CENPW: variants seen among roughly 807,000 people sequenced by gnomAD.
The protein encoded by CENPW is cancer-up-regulated gene 2 protein.
A neutral mutation model predicts 11.1 loss-of-function variants in CENPW; 3 were observed. The observed-to-expected ratio is 0.27, with a 90% CI of 0.12 to 0.70. The LOEUF is 0.70. Ranked by LOEUF, CENPW falls within the 30% of genes least tolerant of loss-of-function variation. CENPW has a pLI of 0.77. For missense variants in CENPW, 100 were observed against 105.6 expected, an observed-to-expected ratio of 0.95 and a Z score of 0.23; for synonymous variants, 38 against 42.0, an observed-to-expected ratio of 0.91 and a Z score of 0.37.
the CENPW span, among the ~76,000 whole-genome samples, chr6:126,466,944 G>A: frequency 4.1e-4 from 63 of 152,002 alleles, no homozygotes; most frequent in African/African-American, 1.5e-3. Flanking sequence ...TAACCAGAGA[G>A]GTGAAAGATC....
At chr6:126,436,955 T>C in the CENPW span, among the ~76,000 whole-genome samples, 1 of 151,848 alleles carries the variant, frequency 6.6e-6, no homozygotes, top group Non-Finnish European at 1.5e-5. Flanking sequence ...GTTAGTTACA[T>C]TGGAGAGTTG....
At chr6:126,453,384 C>G in the CENPW span, among the ~76,000 whole-genome samples, 36 of 151,194 alleles carry the variant, frequency 2.4e-4, no homozygotes, top group Admixed American at 2.4e-3. Flanking sequence ...TCCTATAAGT[C>G]ACAGGAGATT....
the CENPW span, among the ~76,000 whole-genome samples, chr6:126,454,282 G>A: frequency 6.6e-6 from 1 of 151,120 alleles, no homozygotes; most frequent in Non-Finnish European, 1.5e-5. Flanking sequence ...CTTCTCATGT[G>A]CACATGGCAC....
chr6:126,417,459 G>A, the CENPW span, among the ~76,000 whole-genome samples: 2 of 152,250 alleles, frequency 1.3e-5, no homozygotes, highest in Admixed American at 1.3e-4. Context: ...AGGGGCCAGG[G>A]GAAGAATGAT....
Position 126,340,351 on chromosome 6 carries a change from C to T in CENPW, c.78C>T (p.Phe26=). The T allele has an allele frequency of 6.2e-7, 1 of 1,614,132 alleles. No individual in the cohort carries two copies. Residue 26 remains phenylalanine, a synonymous_variant, in exon 1 of 3, where the codon TTC becomes TTT. Coordinates refer to ENST00000368328, the MANE Select transcript of CENPW (RefSeq NM_001012507.4). ...CCCGTGGCTTTCTAAAGCGAGTCTT[C>T]AAGCGAAAGAAGCCTCAACTTCGTC... ...KAPRGFLKRV[F]KRKKPQLRLE...
chr6:126,432,066 C>CAAA, the CENPW span, among the ~76,000 whole-genome samples: 128 of 35,872 alleles, frequency 3.6e-3, no homozygotes, highest in South Asian at 4.5e-3. Context: ...CTCCATCTCA[C>CAAA]AAAAAAAAAA....
At chr6:126,365,781 G>A in the CENPW span, among the ~76,000 whole-genome samples, 1 of 152,160 alleles carries the variant, frequency 6.6e-6, no homozygotes, top group Non-Finnish European at 1.5e-5. Context: ...AGCAAGAAAA[G>A]CACATGTTTG....
At chr6:126,457,454 G>A in the CENPW span, among the ~76,000 whole-genome samples, 65,161 of 151,102 alleles carry the variant, frequency 0.43, 16,359 homozygotes, top group East Asian at 0.97. Flanking sequence ...ACAAACTAAC[G>A]CGGGAGCAGA....
At chr6:126,377,465 T>A in the CENPW span, among the ~76,000 whole-genome samples, 1 of 152,172 alleles carries the variant, frequency 6.6e-6, no homozygotes, top group Admixed American at 6.6e-5. Flanking sequence ...ATTTTTAAGA[T>A]GTGATTCTTA....
At chr6:126,424,910 A>T in the CENPW span, among the ~76,000 whole-genome samples, 2 of 152,018 alleles carry the variant, frequency 1.3e-5, no homozygotes, top group Non-Finnish European at 2.9e-5. Flanking sequence ...CTAGCACCTG[A>T]TATAGGAGTA....
chr6:126,376,995 G>A, the CENPW span, among the ~76,000 whole-genome samples: 1 of 152,146 alleles, frequency 6.6e-6, no homozygotes, highest in Non-Finnish European at 1.5e-5. Flanking sequence ...AACTTTTCCA[G>A]CACATCAATT....
the CENPW span, among the ~76,000 whole-genome samples, chr6:126,366,329 G>A: frequency 2.0e-5 from 3 of 152,106 alleles, no homozygotes; most frequent in Admixed American, 6.5e-5. Context: ...GTGAAATAGA[G>A]GCAGTTTTCA....
chr6:126,436,738 G>A, the CENPW span, among the ~76,000 whole-genome samples: 1 of 151,476 alleles, frequency 6.6e-6, no homozygotes, highest in Non-Finnish European at 1.5e-5. Context: ...TTCACCATGT[G>A]TCATTAGCCT....
At chr6:126,378,406 G>C in the CENPW span, among the ~76,000 whole-genome samples, 1 of 150,966 alleles carries the variant, frequency 6.6e-6, no homozygotes, top group Non-Finnish European at 1.5e-5. Flanking sequence ...CATTTTAGTA[G>C]TTTTGCACTC....
At chr6:126,475,692 T>C in the CENPW span, among the ~76,000 whole-genome samples, 1 of 152,188 alleles carries the variant, frequency 6.6e-6, no homozygotes, top group South Asian at 2.1e-4. Flanking sequence ...TAAATGTGGA[T>C]GATGAAAACT....
At chr6:126,399,339 T>A in the CENPW span, among the ~76,000 whole-genome samples, 1 of 152,056 alleles carries the variant, frequency 6.6e-6, no homozygotes, top group Admixed American at 6.6e-5. Context: ...CTATATCAAA[T>A]GACAAATGAG....
chr6:126,423,233 G>A, the CENPW span, among the ~76,000 whole-genome samples: 2 of 151,906 alleles, frequency 1.3e-5, no homozygotes, highest in Admixed American at 6.6e-5. Flanking sequence ...TAAGAAAGGA[G>A]AATGAACCAT....
the CENPW span, among the ~76,000 whole-genome samples, chr6:126,355,710 A>T: frequency 1.3e-5 from 2 of 152,182 alleles, no homozygotes; most frequent in Non-Finnish European, 2.9e-5. Context: ...ATTGGCAATT[A>T]ACTAATCTGT....
chr6:126,482,212 A>G, the CENPW span, among the ~76,000 whole-genome samples: 1 of 152,066 alleles, frequency 6.6e-6, no homozygotes, highest in Non-Finnish European at 1.5e-5. Context: ...TGATTTTCCC[A>G]GTGCAACATT....
Sources: allele counts gnomAD v4.1 joint callset (sites outside exome capture counted in the v4.1 genomes callset), GRCh38; gene constraint gnomAD v4.1.1; transcripts MANE v1.5; gene names NCBI Gene and HGNC (gene_info 2026-07-23, HGNC 2026-07-21).